SKAP2: variants seen among roughly 807,000 people sequenced by gnomAD.
SKAP2 encodes src kinase associated phosphoprotein 2.
Under a neutral mutation model 54.9 loss-of-function variants are expected in SKAP2, and 28 were observed. The observed-to-expected ratio is 0.51, with a 90% CI of 0.38 to 0.70. The LOEUF (loss-of-function observed/expected upper bound fraction) is 0.70, where lower values mean the gene tolerates loss of function less well. Among genes scored for constraint, SKAP2 ranks in the 30% least tolerant of loss-of-function variants. SKAP2 has a pLI of 0.00. For missense variants in SKAP2, 356 were observed against 424.1 expected (o/e 0.84, Z 1.41); for synonymous variants, 137 against 134.3 (o/e 1.02, Z -0.14).
chr7:26,833,115 C>G (rs1250309395), intron 4 of SKAP2, among the ~76,000 whole-genome samples: 1 of 152,068 alleles, frequency 6.6e-6, no homozygotes, highest in Non-Finnish European at 1.5e-5. Context: ...AAAAAGTATG[C>G]AGAGGGTCAA....
At chr7:26,856,254 C>T (rs1785159580) in intron 1 of SKAP2, among the ~76,000 whole-genome samples, 1 of 151,554 alleles carries the variant, frequency 6.6e-6, no homozygotes, top group Non-Finnish European at 1.5e-5. Flanking sequence ...ATTTAAGTAT[C>T]AAAATGAAAT....
intron 4 of SKAP2, among the ~76,000 whole-genome samples, chr7:26,811,645 C>G (rs953435176): frequency 6.6e-6 from 1 of 152,128 alleles, no homozygotes; most frequent in Admixed American, 6.5e-5. Flanking sequence ...ACAGATCCCC[C>G]CTCCACCTGC....
At chr7:26,815,279 G>A (rs1784242914) in intron 4 of SKAP2, among the ~76,000 whole-genome samples, 1 of 152,034 alleles carries the variant, frequency 6.6e-6, no homozygotes, top group African/African-American at 2.4e-5. Context: ...CAGAAAACCT[G>A]TACAATTAAT....
Position 26,669,300 on chromosome 7 carries a change from G to T in SKAP2, c.*366C>A, listed in dbSNP as rs1393746200. ...AAAATAATTGATGTCCAATGATTAAGAAACATTACAAATCACACCAGAAGT... is the reference window on the plus strand; with the variant it reads ...AAAATAATTGATGTCCAATGATTAATAAACATTACAAATCACACCAGAAGT... On this transcript the variant is annotated 3_prime_UTR_variant, in exon 13 of 13. Coordinates refer to ENST00000345317, the MANE Select transcript of SKAP2 (RefSeq NM_003930.5). 1 of 152,026 alleles carries T rather than the reference G, an allele frequency of 6.6e-6. No homozygotes were observed. The highest frequency in any genetic ancestry group is 2.4e-5 in the African/African-American group (1 of 41,390). 9.4% of individuals were successfully genotyped at this position (152,026 alleles called of 1,614,324 possible).
chr7:26,662,663 T>C (rs1786031556), downstream of SKAP2, among the ~76,000 whole-genome samples: 1 of 152,110 alleles, frequency 6.6e-6, no homozygotes, highest in Non-Finnish European at 1.5e-5. Context: ...CCTGAGACGA[T>C]AATAAAGAAT....
intron 4 of SKAP2, among the ~76,000 whole-genome samples, chr7:26,802,535 T>C (rs955601072): frequency 6.6e-6 from 1 of 152,090 alleles, no homozygotes; most frequent in Admixed American, 6.5e-5. Context: ...CCTCCCAAAG[T>C]GTTGGGATTA....
chr7:26,771,753 A>G (rs1783194851), intron 4 of SKAP2, among the ~76,000 whole-genome samples: 1 of 152,240 alleles, frequency 6.6e-6, no homozygotes, highest in Non-Finnish European at 1.5e-5. Context: ...TTGTGTATAA[A>G]GCAAAAATCA....
intron 4 of SKAP2, among the ~76,000 whole-genome samples, chr7:26,798,663 A>G (rs182989211): frequency 5.7e-4 from 87 of 152,332 alleles, no homozygotes; most frequent in Non-Finnish European, 6.9e-4. Context: ...TATCCTAAGT[A>G]AAAAGACTAA....
intron 2 of SKAP2, 24 bp downstream of exon 2, chr7:26,854,761 G>A: frequency 6.4e-7 from 1 of 1,564,750 alleles, no homozygotes. Context: ...TAAGAAATCA[G>A]TAAACAAAAG....
intron 1 of SKAP2, 116 bp from the exon 2 acceptor site, chr7:26,855,006 ATAGT>A: frequency 1.5e-6 from 1 of 667,122 alleles, no homozygotes; most frequent in East Asian, 2.9e-5. Flanking sequence ...ACAATTTGTT[ATAGT>A]TATTTATCAT....
chr7:26,833,383 G>A (rs1246198489), intron 4 of SKAP2, among the ~76,000 whole-genome samples: 1 of 129,102 alleles, frequency 7.7e-6, no homozygotes, highest in African/African-American at 2.8e-5. Context: ...GTGACAAAGA[G>A]CAAGACTCCG....
At chr7:26,841,695 C>G (rs1400783353) in intron 4 of SKAP2, among the ~76,000 whole-genome samples, 1 of 151,940 alleles carries the variant, frequency 6.6e-6, no homozygotes, top group East Asian at 1.9e-4. Flanking sequence ...AATATTAAAG[C>G]AAAAGACAGA....
chr7:26,763,781 C>A lies in SKAP2; in HGVS notation c.308-23817G>T, dbSNP rs548869483. Among the ~76,000 whole-genome samples, 27 of 150,242 alleles carry A rather than the reference C, an allele frequency of 1.8e-4. 1 individual carries two copies. In the South Asian group the frequency reaches 4.2e-3, roughly 24 times the overall value. On this transcript the variant is annotated intron_variant, in intron 4 of 12. Transcript: ENST00000345317. ...AACTTAGATGGTACAGCCTACTACACACCTAGGCAATATTATATATAGCCT... is the reference window on the plus strand; with the variant it reads ...AACTTAGATGGTACAGCCTACTACAAACCTAGGCAATATTATATATAGCCT...
chr7:26,794,564 G>A lies in SKAP2; in HGVS notation c.307+49466C>T, dbSNP rs140684310. Among the ~76,000 whole-genome samples the A allele has an allele frequency of 4.0e-3, 605 of 152,366 alleles. 2 individuals are homozygous for A. Among genetic ancestry groups the A allele is most frequent in the Non-Finnish European group, 6.0e-3 (407 of 68,036 alleles). ...ATGCTATATAAACTGCATGCTGTTT[G>A]CAAGTGGTTGCAGTTTTCCTGCCCA... On this transcript the variant is annotated intron_variant, in intron 4 of 12. Coordinates refer to ENST00000345317, the MANE Select transcript of SKAP2 (RefSeq NM_003930.5).
At chr7:26,734,248 T>C (rs1474868380) in intron 6 of SKAP2, among the ~76,000 whole-genome samples, 1 of 152,200 alleles carries the variant, frequency 6.6e-6, no homozygotes, top group Non-Finnish European at 1.5e-5. Flanking sequence ...TCCCAATCCA[T>C]TCTCCATCAT....
At chr7:26,828,339 G>C (rs921423769) in intron 4 of SKAP2, among the ~76,000 whole-genome samples, 8 of 152,194 alleles carry the variant, frequency 5.3e-5, no homozygotes, top group African/African-American at 1.9e-4. Flanking sequence ...TCTTTTTAAC[G>C]AACGATGTTA....
Position 26,670,196 on chromosome 7 carries a change from A to C in SKAP2, c.988-4T>G. ...ACCAGCCATATCTATTGTATTCCTA[A>C]TTGAAAACAATATGCAATATTAACC... is the stretch of plus-strand genomic sequence containing the variant. On this transcript the variant is annotated splice_polypyrimidine_tract_variant and splice_region_variant and intron_variant, in intron 11 of 12. Coordinates refer to ENST00000345317, the MANE Select transcript of SKAP2 (RefSeq NM_003930.5). 2 of 1,385,464 alleles carry C rather than the reference A, an allele frequency of 1.4e-6. No homozygotes were observed. Among genetic ancestry groups the C allele is most frequent in the Non-Finnish European group, 2.1e-6 (2 of 971,918 alleles). The allele number at this position is 1,385,464 out of a possible 1,614,324, so 85.8% of individuals were successfully genotyped here. A position where few individuals can be genotyped will look rare whatever the true frequency, so the allele number is the denominator to read the frequency against.
intron 4 of SKAP2, among the ~76,000 whole-genome samples, chr7:26,810,641 T>A (rs932482853): frequency 6.6e-6 from 1 of 152,186 alleles, no homozygotes; most frequent in African/African-American, 2.4e-5. Flanking sequence ...TATACACATA[T>A]CAAAACATCA....
intron 4 of SKAP2, among the ~76,000 whole-genome samples, chr7:26,797,640 A>C (rs977427802): frequency 6.6e-6 from 1 of 152,158 alleles, no homozygotes; most frequent in African/African-American, 2.4e-5. Flanking sequence ...ACTAGCACCA[A>C]CACCATCCAG....
Sources: gnomAD v4.1 joint callset for allele counts (sites outside exome capture counted in the v4.1 genomes callset) on GRCh38, gnomAD v4.1.1 for gene constraint, MANE v1.5 for transcripts, NCBI Gene and HGNC (gene_info 2026-07-23, HGNC 2026-07-21) for gene names.